The following ZFP14 variants were observed in gnomAD, a reference collection of about 807,000 sequenced individuals.
ZFP14 encodes zinc finger protein 14 homolog.
Under a neutral mutation model 54.5 loss-of-function variants are expected in ZFP14, and 22 were observed. The ratio of observed to expected loss-of-function variants is 0.40; its 90% CI spans 0.29 to 0.58. The LOEUF is 0.58. Ranked by LOEUF, ZFP14 falls within the 20% of genes least tolerant of loss-of-function variation. The probability of loss-of-function intolerance (pLI) is 0.39; values close to 1 mark genes in which losing one functional copy is unlikely to be tolerated. For missense variants in ZFP14, 470 were observed against 637.8 expected (o/e 0.74, Z 2.83); for synonymous variants, 159 against 204.0 (o/e 0.78, Z 1.88).
chr19:36,352,297 A>G (rs2031540887), intron 4 of ZFP14, among the ~76,000 whole-genome samples: 1 of 143,600 alleles, frequency 7.0e-6, no homozygotes, highest in Non-Finnish European at 1.5e-5. Context: ...TAAGGCAACC[A>G]CAAGAAGAAA....
At chr19:36,353,955 G>C (rs2031571406) in intron 4 of ZFP14, among the ~76,000 whole-genome samples, 1 of 134,660 alleles carries the variant, frequency 7.4e-6, no homozygotes. Flanking sequence ...TGCGCCTGTA[G>C]TCCCAGCTAC....
intron 4 of ZFP14, among the ~76,000 whole-genome samples, chr19:36,354,584 C>T (rs539660606): frequency 7.0e-6 from 1 of 142,200 alleles, no homozygotes; most frequent in East Asian, 2.1e-4. Flanking sequence ...GCCAGGAATG[C>T]CGTTGCTTTA....
At chr19:36,349,060 T>C (rs62112626) in intron 4 of ZFP14, among the ~76,000 whole-genome samples, 20,395 of 150,982 alleles carry the variant, frequency 0.14, 1,745 homozygotes, top group Non-Finnish European at 0.2. Context: ...AAACCCCATC[T>C]CTACTAAAAA....
Position 36,339,199 on chromosome 19 carries a change from C to T in ZFP14, c.*1025G>A, listed in dbSNP as rs2031262252. 1 of 152,202 alleles carries T rather than the reference C, an allele frequency of 6.6e-6. No homozygotes were observed. Among genetic ancestry groups the T allele is most frequent in the African/African-American group, 2.4e-5 (1 of 41,444 alleles). The allele number at this position is 152,202 out of a possible 1,614,324, so 9.4% of individuals were successfully genotyped here. On this transcript the variant is annotated 3_prime_UTR_variant, in exon 5 of 5. Coordinates refer to ENST00000270001, the MANE Select transcript of ZFP14 (RefSeq NM_020917.3). ...GGCATTTCTACATTTATTATGTCTACAGATCTTCCTTTTACGTGAATTCAC... is the reference window on the plus strand; with the variant it reads ...GGCATTTCTACATTTATTATGTCTATAGATCTTCCTTTTACGTGAATTCAC...
chr19:36,365,845 C>T (rs532229180), intron 2 of ZFP14, among the ~76,000 whole-genome samples: 1 of 151,766 alleles, frequency 6.6e-6, no homozygotes, highest in South Asian at 2.1e-4. Context: ...CTGTAGTCCC[C>T]AGTACTCAGG....
At chr19:36,368,871 T>A (rs1485596944) in intron 1 of ZFP14, among the ~76,000 whole-genome samples, 5 of 152,148 alleles carry the variant, frequency 3.3e-5, no homozygotes, top group Non-Finnish European at 7.3e-5. Context: ...TTAGATGGAA[T>A]TTCACTCTGT....
At chr19:36,377,394 T>A (rs961052948) in intron 1 of ZFP14, among the ~76,000 whole-genome samples, 3 of 151,636 alleles carry the variant, frequency 2.0e-5, no homozygotes, top group South Asian at 2.1e-4. Flanking sequence ...TACAAAAAAA[T>A]TTAAAAATTG....
intron 1 of ZFP14, chr19:36,378,185 GGCT>G (rs1310842965): frequency 6.6e-6 from 1 of 152,226 alleles, no homozygotes; most frequent in East Asian, 1.9e-4. Flanking sequence ...AATCTGGAAT[GGCT>G]GCTGTTTCCG....
intron 4 of ZFP14, among the ~76,000 whole-genome samples, chr19:36,346,508 T>A (rs1600068720): frequency 6.6e-6 from 1 of 151,126 alleles, no homozygotes; most frequent in South Asian, 2.1e-4. Flanking sequence ...CAGGCTGGAG[T>A]GTAGTGTGGC....
At chr19:36,365,805 TA>T (rs1470584121) in intron 2 of ZFP14, among the ~76,000 whole-genome samples, 1 of 151,880 alleles carries the variant, frequency 6.6e-6, no homozygotes, top group Non-Finnish European at 1.5e-5. Context: ...CAAAAAATTT[TA>T]AAAATTAGCC....
chr19:36,377,899 T>C (rs2031988928), intron 1 of ZFP14: 1 of 152,070 alleles, frequency 6.6e-6, no homozygotes, highest in Non-Finnish European at 1.5e-5. Flanking sequence ...GGGGTAGGAA[T>C]TGGAATCTAC....
intron 4 of ZFP14, among the ~76,000 whole-genome samples, chr19:36,349,230 TCAAAAAAAAAAACAAAAAAAAAAAAA>T (rs1291747761): frequency 4.8e-3 from 71 of 14,654 alleles, no homozygotes; most frequent in Non-Finnish European, 7.0e-3. Flanking sequence ...GAACTCTGTC[TCAAAAAAAAAAACAAAAAAAAAAAAA>T]CAAAAAAAAA....
intron 4 of ZFP14, among the ~76,000 whole-genome samples, chr19:36,358,842 G>A (rs2031663523): frequency 6.6e-6 from 1 of 152,118 alleles, no homozygotes; most frequent in Non-Finnish European, 1.5e-5. Flanking sequence ...GGGTCATGAG[G>A]GCTCTGCTCT....
intron 4 of ZFP14, among the ~76,000 whole-genome samples, chr19:36,356,732 T>C (rs1459307893): frequency 2.2e-5 from 3 of 135,724 alleles, no homozygotes; most frequent in Admixed American, 7.8e-5. Flanking sequence ...AGTCATGTAG[T>C]GCATAACCAT....
chr19:36,368,284 C>T (rs1251469360), intron 1 of ZFP14, among the ~76,000 whole-genome samples: 2 of 152,162 alleles, frequency 1.3e-5, no homozygotes, highest in Non-Finnish European at 2.9e-5. Flanking sequence ...GCCTGACCAA[C>T]ATGCAGAAAC....
chr19:36,355,636 T>C (rs1347547388), intron 4 of ZFP14, among the ~76,000 whole-genome samples: 1 of 137,388 alleles, frequency 7.3e-6, no homozygotes, highest in African/African-American at 2.7e-5. Flanking sequence ...TGAGCTGTGA[T>C]GGCACCATTG....
rs1054848365 is a variant in ZFP14 at position 36,334,518 on chromosome 19, T to C, written c.*5706A>G. ...TTATGTCCTTAATCATTGTTTAATA[T>C]AATATATAAGCATGTTTAACACAAA... On this transcript the variant is annotated 3_prime_UTR_variant, in exon 5 of 5. Transcript: ENST00000270001. 6.6e-6 allele frequency: 1 copy of C among 152,218 alleles called. No individual in the cohort carries two copies. Among genetic ancestry groups the C allele is most frequent in the African/African-American group, 2.4e-5 (1 of 41,458 alleles). 9.4% of individuals were successfully genotyped at this position (152,218 alleles called of 1,614,324 possible).
intron 2 of ZFP14, among the ~76,000 whole-genome samples, chr19:36,367,371 T>C (rs2031810543): frequency 6.6e-6 from 1 of 152,172 alleles, no homozygotes; most frequent in Non-Finnish European, 1.5e-5. Context: ...TCACAGCTAT[T>C]GACAGAAGAT....
In ZFP14 at chr19:36,339,036, T is replaced by C. The variant is rs1242171256; in HGVS notation, c.*1188A>G. 1 of 152,218 alleles carries C rather than the reference T, an allele frequency of 6.6e-6. No individual in the cohort carries two copies. The highest frequency in any genetic ancestry group is 1.9e-4 in the East Asian group (1 of 5,198). The allele number at this position is 152,218 out of a possible 1,614,324, so 9.4% of individuals were successfully genotyped here. A position where few individuals can be genotyped will look rare whatever the true frequency, so the allele number is the denominator to read the frequency against. ...AATTCTTCAACAGCTGTATTACTAG[T>C]GACCTCACATTCATGAAATTCATTT... On this transcript the variant is annotated 3_prime_UTR_variant, in exon 5 of 5. Transcript: ENST00000270001.
Sources: gnomAD v4.1 joint callset for allele counts (sites outside exome capture counted in the v4.1 genomes callset) on GRCh38, gnomAD v4.1.1 for gene constraint, MANE v1.5 for transcripts, NCBI Gene and HGNC (gene_info 2026-07-23, HGNC 2026-07-21) for gene names.